KCNH1: variants seen among roughly 807,000 people sequenced by gnomAD.
KCNH1 encodes the protein potassium voltage-gated channel subfamily H member 1.
A neutral mutation model predicts 69.2 loss-of-function variants in KCNH1; 27 were observed. The observed-to-expected ratio is 0.39, with a 90% CI of 0.29 to 0.54. The LOEUF (loss-of-function observed/expected upper bound fraction) is 0.54, where lower values mean the gene tolerates loss of function less well. Ranked by LOEUF, KCNH1 falls within the 20% of genes least tolerant of loss-of-function variation. The pLI is 0.68. For missense variants in KCNH1, 798 were observed against 1,261.6 expected (o/e 0.63, Z 5.57); for synonymous variants, 456 against 487.7 (o/e 0.93, Z 0.86).
chr1:211,082,949 G>T, intron 4 of KCNH1, 51 bp from the exon 5 acceptor site: 1 of 1,432,522 alleles, frequency 7.0e-7, no homozygotes, highest in Non-Finnish European at 9.8e-7. Flanking sequence ...TCCCAAAGGT[G>T]CACAGACATT....
chr1:210,952,086 C>T (rs1018261117), intron 6 of KCNH1, among the ~76,000 whole-genome samples: 9 of 152,272 alleles, frequency 5.9e-5, no homozygotes, highest in Middle Eastern at 3.4e-3. Flanking sequence ...AGCTGCCTAG[C>T]ACCTGAGCAC....
chr1:211,117,484 C>T (rs1571660869), intron 1 of KCNH1, among the ~76,000 whole-genome samples: 1 of 152,112 alleles, frequency 6.6e-6, no homozygotes, highest in South Asian at 2.1e-4. Context: ...AAAGTCCGGC[C>T]ATGCTACAGG....
At chr1:211,007,035 A>G (rs1689299399) in intron 6 of KCNH1, among the ~76,000 whole-genome samples, 1 of 152,212 alleles carries the variant, frequency 6.6e-6, no homozygotes, top group Admixed American at 6.5e-5. Flanking sequence ...TTATTTCTAC[A>G]TCTATAATTT....
intron 5 of KCNH1, among the ~76,000 whole-genome samples, chr1:211,020,815 G>A (rs1689574614): frequency 6.6e-6 from 1 of 151,956 alleles, no homozygotes. Flanking sequence ...AATTTATCCA[G>A]AGATGCAAGA....
At chr1:210,773,676 C>T (rs1392395774) in intron 10 of KCNH1, among the ~76,000 whole-genome samples, 1 of 152,108 alleles carries the variant, frequency 6.6e-6, no homozygotes, top group African/African-American at 2.4e-5. Flanking sequence ...CTAGGTATCA[C>T]CCCTGACAAT....
chr1:210,900,032 G>A (rs940370003), intron 7 of KCNH1, among the ~76,000 whole-genome samples: 3 of 152,196 alleles, frequency 2.0e-5, no homozygotes, highest in South Asian at 2.1e-4. Flanking sequence ...AGTATAATTC[G>A]TTAGTCCTAA....
chr1:211,031,846 G>A (rs1689791221), intron 5 of KCNH1, among the ~76,000 whole-genome samples: 1 of 152,024 alleles, frequency 6.6e-6, no homozygotes, highest in African/African-American at 2.4e-5. Context: ...TTTGAAAACT[G>A]GCGCAAGACA....
intron 5 of KCNH1, among the ~76,000 whole-genome samples, chr1:211,054,288 G>A (rs541486074): frequency 0.05 from 7,227 of 144,752 alleles, 261 homozygotes; most frequent in Non-Finnish European, 0.072. Flanking sequence ...TCTCAAAAAA[G>A]AAAAAAAAAA....
At chr1:210,918,544 C>CA (rs150698047) in intron 7 of KCNH1, among the ~76,000 whole-genome samples, 2,354 of 152,058 alleles carry the variant, frequency 0.015, 64 homozygotes, top group African/African-American at 0.054. Flanking sequence ...TGTCTACAGC[C>CA]AAAAAAAGTT....
intron 6 of KCNH1, among the ~76,000 whole-genome samples, chr1:210,953,837 T>A (rs959345693): frequency 5.3e-5 from 8 of 152,190 alleles, no homozygotes; most frequent in Admixed American, 1.3e-4. Context: ...CAGCTCCAGA[T>A]ACATTGAACT....
chr1:211,035,857 G>A (rs1689887551), intron 5 of KCNH1, among the ~76,000 whole-genome samples: 1 of 152,112 alleles, frequency 6.6e-6, no homozygotes, highest in South Asian at 2.1e-4. Flanking sequence ...CAGTACAAAT[G>A]ACTATTCATA....
chr1:210,777,684 C>T (rs1396966717), intron 9 of KCNH1, among the ~76,000 whole-genome samples: 2 of 152,176 alleles, frequency 1.3e-5, no homozygotes, highest in African/African-American at 4.8e-5. Context: ...GGCTCATGCA[C>T]CCTTCATATT....
intron 7 of KCNH1, among the ~76,000 whole-genome samples, chr1:210,810,435 A>C (rs1273586298): frequency 6.6e-6 from 1 of 152,152 alleles, no homozygotes; most frequent in Non-Finnish European, 1.5e-5. Context: ...ACTTCATTTC[A>C]AGAAAATTTT....
Position 210,684,150 on chromosome 1 carries a change from G to A in KCNH1, c.2113-12C>T, listed in dbSNP as rs1383966624. 1 of 1,501,426 alleles carries A rather than the reference G, an allele frequency of 6.7e-7. No individual in the cohort carries two copies. The highest frequency in any genetic ancestry group is 8.9e-7 in the Non-Finnish European group (1 of 1,127,078). The allele number at this position is 1,501,426 out of a possible 1,614,324, so 93.0% of individuals were successfully genotyped here. A position where few individuals can be genotyped will look rare whatever the true frequency, so the allele number is the denominator to read the frequency against. On this transcript the variant is annotated splice_polypyrimidine_tract_variant and intron_variant, in intron 10 of 10. Coordinates refer to ENST00000271751, the MANE Select transcript of KCNH1 (RefSeq NM_172362.3). ...TTCCGGAACACAATCTGGAGAGAGA[G>A]AGAGAGAGAATGACATGGCGTGTTA...
intron 5 of KCNH1, among the ~76,000 whole-genome samples, chr1:211,042,327 C>T (rs190654620): frequency 6.6e-6 from 1 of 152,198 alleles, no homozygotes; most frequent in East Asian, 1.9e-4. Context: ...ATAGATGTCT[C>T]TCTTACTAGA....
intron 7 of KCNH1, among the ~76,000 whole-genome samples, chr1:210,808,917 G>A (rs1469977961): frequency 6.6e-6 from 1 of 152,028 alleles, no homozygotes; most frequent in East Asian, 1.9e-4. Context: ...AAGCAAGAAC[G>A]AACCTCCCAG....
At chr1:211,053,602 C>T (rs926392001) in intron 5 of KCNH1, among the ~76,000 whole-genome samples, 2 of 152,146 alleles carry the variant, frequency 1.3e-5, no homozygotes, top group Admixed American at 6.5e-5. Context: ...AAAATCAGAA[C>T]CCCAAGTCTG....
chr1:210,810,422 T>G (rs773836769), intron 7 of KCNH1, among the ~76,000 whole-genome samples: 15 of 152,186 alleles, frequency 9.9e-5, no homozygotes, highest in Admixed American at 3.3e-4. Context: ...TGGAAATGTA[T>G]GCACTTCATT....
chr1:210,739,206 C>T (rs1030356872), intron 10 of KCNH1, among the ~76,000 whole-genome samples: 3 of 152,128 alleles, frequency 2.0e-5, no homozygotes, highest in African/African-American at 7.2e-5. Context: ...GAGTTAACCC[C>T]TCATTTTACT....
Sources: gnomAD v4.1 joint callset for allele counts (sites outside exome capture counted in the v4.1 genomes callset) on GRCh38, gnomAD v4.1.1 for gene constraint, MANE v1.5 for transcripts, NCBI Gene and HGNC (gene_info 2026-07-23, HGNC 2026-07-21) for gene names.